The following SDCCAG8 variants were observed in gnomAD, a reference collection of about 807,000 sequenced individuals.
SDCCAG8 encodes the protein serologically defined colon cancer antigen 8.
SDCCAG8 carries 74 observed loss-of-function variants against 101.8 expected under a neutral mutation model. The ratio of observed to expected loss-of-function variants is 0.73; its 90% CI spans 0.60 to 0.88. SDCCAG8 has a LOEUF of 0.88. Among genes scored for constraint, SDCCAG8 ranks in the 40% least tolerant of loss-of-function variants. The pLI, the probability that SDCCAG8 is intolerant of heterozygous loss-of-function variation, is 0.00. For synonymous variants in SDCCAG8, 281 were observed against 292.9 expected (o/e 0.96, Z 0.41); for missense variants, 787 against 822.6 (o/e 0.96, Z 0.53).
intron 11 of SDCCAG8, 146 bp from the exon 12 acceptor site, chr1:243,344,069 T>C: frequency 1.5e-6 from 1 of 683,556 alleles, no homozygotes; most frequent in Non-Finnish European, 2.7e-6. Flanking sequence ...CAAGCTACGT[T>C]GAATAGTCTA....
chr1:243,367,591 G>A (rs539811207), intron 12 of SDCCAG8, among the ~76,000 whole-genome samples: 2 of 152,040 alleles, frequency 1.3e-5, no homozygotes, highest in African/African-American at 4.8e-5. Context: ...TTCTGCCAAG[G>A]AAGGGATCAT....
rs750708505 is a variant in SDCCAG8 at position 243,344,202 on chromosome 1, T to C, written c.1357-13T>C. On this transcript the variant is annotated splice_polypyrimidine_tract_variant and intron_variant, in intron 11 of 17. Coordinates refer to ENST00000366541, the MANE Select transcript of SDCCAG8 (RefSeq NM_006642.5). ...TCCAGCAGGTAATCATCCAGTTTTTTACAATCTAACAGGTGTGTGGAGAAA... is the reference window on the plus strand; with the variant it reads ...TCCAGCAGGTAATCATCCAGTTTTTCACAATCTAACAGGTGTGTGGAGAAA... The C allele has an allele frequency of 3.7e-6, 6 of 1,608,816 alleles. No individual in the cohort carries two copies. The highest frequency in any genetic ancestry group is 5.1e-6 in the Non-Finnish European group (6 of 1,175,336).
chr1:243,347,023 C>G (rs2075755988), intron 12 of SDCCAG8, among the ~76,000 whole-genome samples: 1 of 152,028 alleles, frequency 6.6e-6, no homozygotes, highest in South Asian at 2.1e-4. Context: ...AGTCCCCTTC[C>G]TCAATCCTAT....
At chr1:243,482,612 C>A (rs1258601010) in intron 16 of SDCCAG8, among the ~76,000 whole-genome samples, 1 of 152,214 alleles carries the variant, frequency 6.6e-6, no homozygotes, top group African/African-American at 2.4e-5. Flanking sequence ...ATTAGGACGG[C>A]CGCACCAGCC....
intron 4 of SDCCAG8, among the ~76,000 whole-genome samples, chr1:243,281,625 T>C (rs1478128617): frequency 6.6e-6 from 1 of 151,354 alleles, no homozygotes; most frequent in Non-Finnish European, 1.5e-5. Flanking sequence ...TTAAAAAAAA[T>C]TCACTCTTTT....
intron 9 of SDCCAG8, among the ~76,000 whole-genome samples, chr1:243,325,909 C>G (rs2074114074): frequency 6.6e-6 from 1 of 152,108 alleles, no homozygotes; most frequent in Admixed American, 6.5e-5. Flanking sequence ...TCACCTGGGA[C>G]TAAATGGAGA....
chr1:243,435,073 G>C (rs913146168), intron 16 of SDCCAG8, among the ~76,000 whole-genome samples: 1 of 152,204 alleles, frequency 6.6e-6, no homozygotes, highest in African/African-American at 2.4e-5. Flanking sequence ...CTGCTGATGT[G>C]CTTGGGATAC....
chr1:243,289,315 T>C (rs2069975426), intron 5 of SDCCAG8, among the ~76,000 whole-genome samples: 1 of 152,120 alleles, frequency 6.6e-6, no homozygotes, highest in Admixed American at 6.5e-5. Context: ...CTGCCTGCTT[T>C]ATATTCGCTG....
chr1:243,486,384 ATCCT>A (rs1348648010), intron 16 of SDCCAG8, among the ~76,000 whole-genome samples: 1 of 152,094 alleles, frequency 6.6e-6, no homozygotes, highest in East Asian at 1.9e-4. Flanking sequence ...GTGTGTGGAC[ATCCT>A]GGTCAGCTGG....
intron 8 of SDCCAG8, among the ~76,000 whole-genome samples, chr1:243,316,429 G>A (rs2073238977): frequency 1.3e-5 from 2 of 152,162 alleles, no homozygotes; most frequent in Non-Finnish European, 2.9e-5. Flanking sequence ...CTACTTTGCT[G>A]CATTTTTCCT....
intron 16 of SDCCAG8, among the ~76,000 whole-genome samples, chr1:243,427,694 G>A (rs984645423): frequency 6.6e-6 from 1 of 152,086 alleles, no homozygotes; most frequent in African/African-American, 2.4e-5. Context: ...GGGTGGGGGG[G>A]AGGTATTTTT....
At chr1:243,469,231 AT>A (rs991697039) in intron 16 of SDCCAG8, among the ~76,000 whole-genome samples, 18 of 152,204 alleles carry the variant, frequency 1.2e-4, no homozygotes, top group African/African-American at 3.6e-4. Context: ...CTGATTTGTC[AT>A]TTTTTTGAGT....
chr1:243,499,198 G>A (rs183662568), intron 17 of SDCCAG8, among the ~76,000 whole-genome samples: 8 of 152,186 alleles, frequency 5.3e-5, no homozygotes, highest in Non-Finnish European at 1.0e-4. Flanking sequence ...GTAAAACTAA[G>A]AGACCTCAGT....
Position 243,308,153 on chromosome 1 carries a change from T to C in SDCCAG8, c.905T>C (p.Met302Thr), listed in dbSNP as rs2072344452. The C allele has an allele frequency of 6.2e-7, 1 of 1,614,094 alleles. No individual in the cohort carries two copies. Among genetic ancestry groups the C allele is most frequent in the African/African-American group, 1.3e-5 (1 of 74,954 alleles). Residue 302 changes from methionine (M) to threonine (T), a missense_variant, in exon 8 of 18, where the codon ATG becomes ACG. By Grantham distance (81) the Met-to-Thr change is moderately conservative. Transcript: ENST00000366541. ...VLSQTHTNVH[M>T]QTIERLVKER... ...TCCCAAACCCATACTAATGTTCATA[T>C]GCAGACCATCGAAAGACTGGTTAAG...
intron 8 of SDCCAG8, among the ~76,000 whole-genome samples, 178 bp from the exon 9 acceptor site, chr1:243,316,577 G>A (rs1217909909): frequency 2.6e-5 from 4 of 151,976 alleles, no homozygotes; most frequent in African/African-American, 4.8e-5. Context: ...TGGCTGCTCC[G>A]CCCGCCGCTC....
chr1:243,475,030 C>T (rs1662115172), intron 16 of SDCCAG8, among the ~76,000 whole-genome samples: 1 of 152,152 alleles, frequency 6.6e-6, no homozygotes, highest in Admixed American at 6.5e-5. Flanking sequence ...GCCAATGCAC[C>T]TCTGTAAAAG....
intron 9 of SDCCAG8, among the ~76,000 whole-genome samples, chr1:243,318,261 C>T (rs1280979709): frequency 6.6e-6 from 1 of 152,144 alleles, no homozygotes; most frequent in Non-Finnish European, 1.5e-5. Flanking sequence ...GAACAGAAAG[C>T]CAAATACTGC....
intron 10 of SDCCAG8, among the ~76,000 whole-genome samples, chr1:243,337,012 C>T (rs769020829): frequency 2.0e-5 from 3 of 152,072 alleles, no homozygotes; most frequent in Admixed American, 6.6e-5. Flanking sequence ...TTAGGTCCCA[C>T]TTGTCAATTG....
chr1:243,303,159 C>T (rs1474517616), intron 6 of SDCCAG8, among the ~76,000 whole-genome samples: 1 of 152,128 alleles, frequency 6.6e-6, no homozygotes, highest in Non-Finnish European at 1.5e-5. Context: ...GAGATGAGTG[C>T]TCCTGAACCA....
Sources: gnomAD v4.1 joint callset for allele counts (sites outside exome capture counted in the v4.1 genomes callset) on GRCh38, gnomAD v4.1.1 for gene constraint, MANE v1.5 for transcripts, NCBI Gene and HGNC (gene_info 2026-07-23, HGNC 2026-07-21) for gene names.